ATXN7: variants seen among roughly 807,000 people sequenced by gnomAD.
ATXN7 encodes the protein ataxin 7, also known as ataxin-7.
In ATXN7, 12 loss-of-function variants were observed where a neutral mutation model predicts 70.5. The ratio of observed to expected loss-of-function variants is 0.17; its 90% CI spans 0.11 to 0.28. ATXN7 has a LOEUF of 0.28. Ranked by LOEUF, ATXN7 falls within the 10% of genes least tolerant of loss-of-function variation. The pLI is 1.00. For synonymous variants in ATXN7, 498 were observed against 448.7 expected (o/e 1.11, Z -1.39); for missense variants, 1,256 against 1,131.7 (o/e 1.11, Z -1.58).
rs533288757 is a variant in ATXN7 at position 63,905,203 on chromosome 3, T to A, written c.-12+6706T>A. The A allele has an allele frequency of 5.9e-5, 9 of 152,220 alleles. No homozygotes were observed. In the South Asian group the frequency reaches 6.2e-4, roughly 11 times the overall value. 9.4% of individuals were successfully genotyped at this position (152,220 alleles called of 1,614,324 possible). On this transcript the variant is annotated intron_variant, in intron 2 of 12. Coordinates refer to ENST00000674280, the MANE Select transcript of ATXN7 (RefSeq NM_001377405.1). Reference sequence around the variant, plus strand: ...ATTTGGCTCTGTTTTCATTCTTTTTTAATTTAATTTAATTTAATTTTTTTT... The same window carrying A: ...ATTTGGCTCTGTTTTCATTCTTTTTAAATTTAATTTAATTTAATTTTTTTT...
intron 4 of ATXN7, among the ~76,000 whole-genome samples, chr3:63,934,499 G>A (rs756646333): frequency 3.9e-5 from 6 of 152,190 alleles, no homozygotes; most frequent in Non-Finnish European, 8.8e-5. Context: ...TGTTCTTGGT[G>A]AGAGGCAGAA....
In ATXN7 at chr3:64,002,727, T is replaced by C. The variant is rs975990287; in HGVS notation, c.*3260T>C. ...CGGAGTTGAAAACCACCAATGCTGG[T>C]AATTTTATAAGGTATTTTAAAATTA... On this transcript the variant is annotated 3_prime_UTR_variant, in exon 13 of 13. Coordinates refer to ENST00000674280, the MANE Select transcript of ATXN7 (RefSeq NM_001377405.1). 8.5e-5 allele frequency: 13 copies of C among 152,204 alleles called. No individual in the cohort carries two copies. The highest frequency in any genetic ancestry group is 3.1e-4 in the African/African-American group (13 of 41,460). The allele number at this position is 152,204 out of a possible 1,614,324, so 9.4% of individuals were successfully genotyped here.
chr3:63,921,307 C>T (rs1704501822), intron 4 of ATXN7, among the ~76,000 whole-genome samples: 1 of 152,142 alleles, frequency 6.6e-6, no homozygotes, highest in African/African-American at 2.4e-5. Context: ...ATCCTGAACT[C>T]CAGTCATGCA....
intron 11 of ATXN7, 96 bp from the exon 12 acceptor site, chr3:63,995,409 G>A (rs2075741056): frequency 1.4e-6 from 2 of 1,383,372 alleles, no homozygotes; most frequent in African/African-American, 1.4e-5. Context: ...GATGTGGATG[G>A]TTTCTCTTTG....
chr3:63,881,484 ATTTTTTTTTTTTTT>A (rs909777356), intron 1 of ATXN7, among the ~76,000 whole-genome samples: 5 of 120,810 alleles, frequency 4.1e-5, no homozygotes, highest in African/African-American at 1.6e-4. Context: ...TGGTTGGAGC[ATTTTTTTTTTTTTT>A]TTTTTTTTGA....
In ATXN7 at chr3:63,968,797, C is replaced by T. The variant is rs151127452; in HGVS notation, c.500-11118C>T. ...CTGTCTCAGACCTTCTGTCTTCATG[C>T]GGGAAGTGAGGTGTCAATTGAGTTC... On this transcript the variant is annotated intron_variant, in intron 5 of 12. Transcript: ENST00000674280. Among the ~76,000 whole-genome samples the T allele has an allele frequency of 2.0e-3, 300 of 152,142 alleles. 3 individuals carry two copies. The highest frequency in any genetic ancestry group is 6.2e-3 in the African/African-American group (259 of 41,492).
intron 12 of ATXN7, among the ~76,000 whole-genome samples, chr3:63,997,165 G>A (rs987381088): frequency 2.0e-5 from 3 of 152,196 alleles, no homozygotes; most frequent in African/African-American, 4.8e-5. Context: ...GGTGGAGGCA[G>A]GAGAACTGCT....
chr3:64,000,977 G>A lies in ATXN7; in HGVS notation c.*1510G>A, dbSNP rs2075827380. ...AGAACACACGAAGTTGCCGAACACAGGGTAAAATTTCCAAGGCGCTGATCG... is the reference window on the plus strand; with the variant it reads ...AGAACACACGAAGTTGCCGAACACAAGGTAAAATTTCCAAGGCGCTGATCG... On this transcript the variant is annotated 3_prime_UTR_variant, in exon 13 of 13. Coordinates refer to ENST00000674280, the MANE Select transcript of ATXN7 (RefSeq NM_001377405.1). 6.6e-6 allele frequency: 1 copy of A among 152,002 alleles called. No individual in the cohort carries two copies. Among genetic ancestry groups the A allele is most frequent in the Non-Finnish European group, 1.5e-5 (1 of 68,014 alleles). The allele number at this position is 152,002 out of a possible 1,614,324, so 9.4% of individuals were successfully genotyped here. A position where few individuals can be genotyped will look rare whatever the true frequency, so the allele number is the denominator to read the frequency against.
chr3:63,964,815 A>G (rs1450703508), intron 5 of ATXN7, among the ~76,000 whole-genome samples: 8 of 152,198 alleles, frequency 5.3e-5, no homozygotes, highest in African/African-American at 1.9e-4. Flanking sequence ...TGGTATTTCC[A>G]AGTTTGAAAA....
intron 5 of ATXN7, among the ~76,000 whole-genome samples, chr3:63,963,017 G>A (rs1001195212): frequency 2.0e-5 from 3 of 150,288 alleles, no homozygotes; most frequent in Non-Finnish European, 4.4e-5. Context: ...CCGGGCTCAA[G>A]CAATCCTTCC....
intron 1 of ATXN7, among the ~76,000 whole-genome samples, chr3:63,881,189 G>A (rs1702895949): frequency 6.6e-6 from 1 of 152,130 alleles, no homozygotes; most frequent in African/African-American, 2.4e-5. Context: ...TAGAAAACAG[G>A]ATTTAAACTC....
At chr3:63,939,566 A>G (rs1216328420) in intron 4 of ATXN7, among the ~76,000 whole-genome samples, 1 of 152,238 alleles carries the variant, frequency 6.6e-6, no homozygotes, top group Non-Finnish European at 1.5e-5. Context: ...CCATAAAAGC[A>G]ATAAAAGCAC....
At chr3:63,913,044 T>C (rs1704118441) in intron 3 of ATXN7, 113 bp from the exon 4 acceptor site, 6 of 1,326,186 alleles carry the variant, frequency 4.5e-6, no homozygotes, top group Non-Finnish European at 6.2e-6. Flanking sequence ...TATCGTTTGC[T>C]GGGTTGCGGA....
At chr3:63,929,978 T>TG (rs1442501327) in intron 4 of ATXN7, among the ~76,000 whole-genome samples, 3 of 152,254 alleles carry the variant, frequency 2.0e-5, no homozygotes, top group African/African-American at 7.2e-5. Context: ...GAGAGATGAC[T>TG]GAGAGGCTCC....
At chr3:63,933,919 T>G (rs1439246816) in intron 4 of ATXN7, among the ~76,000 whole-genome samples, 1 of 144,952 alleles carries the variant, frequency 6.9e-6, no homozygotes, top group Non-Finnish European at 1.5e-5. Context: ...TTTTCTGTTG[T>G]TTTTTTTTTT....
In ATXN7 at chr3:63,981,195, C is replaced by T. The variant is rs528408016; in HGVS notation, c.753-991C>T. On this transcript the variant is annotated intron_variant, in intron 6 of 12. Transcript: ENST00000674280. ...GAGAGGATGTGACATCTTGCAGTCT[C>T]TCTACTGCTGTCAGGCTATTCCAGG... 2.6e-5 allele frequency among the ~76,000 whole-genome samples: 4 copies of T among 152,316 alleles called. No homozygotes were observed. The South Asian group carries it at 8.3e-4, about 32-fold the overall frequency.
At chr3:63,913,703 C>T (rs1194032155) in intron 4 of ATXN7, among the ~76,000 whole-genome samples, 2 of 152,172 alleles carry the variant, frequency 1.3e-5, no homozygotes, top group Non-Finnish European at 2.9e-5. Context: ...GTCATCATAA[C>T]CCGGAGTGCA....
intron 1 of ATXN7, among the ~76,000 whole-genome samples, chr3:63,874,221 T>C (rs570397256): frequency 6.6e-6 from 1 of 152,378 alleles, no homozygotes; most frequent in African/African-American, 2.4e-5. Flanking sequence ...TTTTATCCAG[T>C]GCATAGTGAT....
chr3:63,998,670 G>C (rs906373917), intron 12 of ATXN7: 5 of 985,366 alleles, frequency 5.1e-6, no homozygotes, highest in East Asian at 2.3e-4. Context: ...CTTGCTTAGA[G>C]ATCAAAGGAT....
Sources: allele counts gnomAD v4.1 joint callset (sites outside exome capture counted in the v4.1 genomes callset), GRCh38; gene constraint gnomAD v4.1.1; transcripts MANE v1.5; gene names NCBI Gene and HGNC (gene_info 2026-07-23, HGNC 2026-07-21).